WDPCP: variants seen among roughly 807,000 people sequenced by gnomAD.
The protein encoded by WDPCP is WD repeat-containing and planar cell polarity effector protein fritz homolog.
In WDPCP, 71 loss-of-function variants were observed where a neutral mutation model predicts 93.1. The ratio of observed to expected loss-of-function variants is 0.76; its 90% confidence interval spans 0.63 to 0.93. WDPCP has a LOEUF of 0.93. WDPCP is among the 40% of genes least tolerant of loss of function. The probability of loss-of-function intolerance (pLI) is 0.00; values close to 1 mark genes in which losing one functional copy is unlikely to be tolerated. For missense variants in WDPCP, 844 were observed against 887.4 expected (o/e 0.95, Z 0.62); for synonymous variants, 315 against 315.0 (o/e 1.00, Z 0.00).
chr2:63,588,851 G>C (rs999400573), upstream of WDPCP: 3 of 673,898 alleles, frequency 4.5e-6, no homozygotes, highest in African/African-American at 5.4e-5. Context: ...TTCAACACTT[G>C]AAGGAAATGC....
chr2:63,295,540 T>TA (rs1281807589), intron 13 of WDPCP, among the ~76,000 whole-genome samples: 3 of 52,998 alleles, frequency 5.7e-5, no homozygotes, highest in Non-Finnish European at 8.8e-5. Flanking sequence ...TTACAAGAGA[T>TA]AAAAAAAAGA....
At chr2:63,337,775 A>G (rs1688493169) in intron 12 of WDPCP, among the ~76,000 whole-genome samples, 1 of 152,078 alleles carries the variant, frequency 6.6e-6, no homozygotes, top group African/African-American at 2.4e-5. Context: ...TTTTCCACAT[A>G]TATGTTGGCC....
chr2:63,345,966 TAA>T (rs575356009), intron 12 of WDPCP, among the ~76,000 whole-genome samples: 2 of 152,024 alleles, frequency 1.3e-5, no homozygotes, highest in Non-Finnish European at 2.9e-5. Context: ...ACTATACAAC[TAA>T]AGAGTTGCAA....
At chr2:63,651,348 C>A (rs1710107140) in intron 2 of WDPCP, among the ~76,000 whole-genome samples, 1 of 151,984 alleles carries the variant, frequency 6.6e-6, no homozygotes, top group Non-Finnish European at 1.5e-5. Context: ...CAGTTAAGTG[C>A]TAAGTCAGAG....
intron 12 of WDPCP, among the ~76,000 whole-genome samples, chr2:63,336,618 G>A (rs992682950): frequency 1.6e-4 from 24 of 152,046 alleles, no homozygotes; most frequent in East Asian, 3.9e-4. Flanking sequence ...GGCTTTCCTC[G>A]TTGCTTCCAC....
chr2:63,714,359 C>T (rs893759910), intron 2 of WDPCP, among the ~76,000 whole-genome samples: 2 of 152,070 alleles, frequency 1.3e-5, no homozygotes, highest in African/African-American at 2.4e-5. Flanking sequence ...TGAGCCACCG[C>T]GCCTGGCCTT....
rs369634217 is a variant in WDPCP at position 63,283,793 on chromosome 2, T to C, written c.1813-24384A>G. On this transcript the variant is annotated intron_variant, in intron 13 of 17. Transcript: ENST00000272321. ...TAATTCCGTATCACTGGCACTAAGGTTCTAAACAGTGCTAGGGCAGTGCTG... is the reference window on the plus strand; with the variant it reads ...TAATTCCGTATCACTGGCACTAAGGCTCTAAACAGTGCTAGGGCAGTGCTG... 8.5e-5 allele frequency among the ~76,000 whole-genome samples: 13 copies of C among 152,224 alleles called. No individual in the cohort carries two copies. In the East Asian group the frequency reaches 1.2e-3, roughly 14 times the overall value.
chr2:63,215,229 C>A (rs1677210701), intron 14 of WDPCP, among the ~76,000 whole-genome samples: 1 of 152,132 alleles, frequency 6.6e-6, no homozygotes, highest in Admixed American at 6.6e-5. Context: ...AACTACACTA[C>A]AAGGCTACAG....
chr2:63,324,188 G>C (rs1181490639), intron 12 of WDPCP, among the ~76,000 whole-genome samples: 1 of 152,142 alleles, frequency 6.6e-6, no homozygotes, highest in Non-Finnish European at 1.5e-5. Context: ...AAGGCAAATG[G>C]AGTGAAATAC....
intron 12 of WDPCP, among the ~76,000 whole-genome samples, chr2:63,352,291 A>G (rs1689689183): frequency 6.6e-6 from 1 of 151,958 alleles, no homozygotes; most frequent in Non-Finnish European, 1.5e-5. Flanking sequence ...GCACTTGTCT[A>G]TTTTTGTTTT....
intron 2 of WDPCP, among the ~76,000 whole-genome samples, chr2:63,489,097 G>T (rs1265406011): frequency 6.6e-6 from 1 of 152,052 alleles, no homozygotes; most frequent in African/African-American, 2.4e-5. Context: ...TTACATATGG[G>T]GGCAACCCAA....
the WDPCP span, among the ~76,000 whole-genome samples, chr2:63,840,613 G>A: frequency 6.6e-6 from 1 of 152,230 alleles, no homozygotes; most frequent in Admixed American, 6.5e-5. Flanking sequence ...CCTGAGAAGC[G>A]TCTGGGCTCC....
chr2:63,447,567 G>C (rs1208414050), intron 6 of WDPCP, among the ~76,000 whole-genome samples: 1 of 151,990 alleles, frequency 6.6e-6, no homozygotes, highest in African/African-American at 2.4e-5. Context: ...TGAGTCCCTC[G>C]TCTCTGCTAT....
rs538699585 is a variant in WDPCP at position 63,349,349 on chromosome 2, T to G, written c.1748+29037A>C. Among the ~76,000 whole-genome samples, 42 of 152,248 alleles carry G rather than the reference T, an allele frequency of 2.8e-4. No individual in the cohort carries two copies. The South Asian group carries it at 8.3e-3, about 30-fold the overall frequency. Reference sequence around the variant, plus strand: ...AGAAGTACAATTTTATTATTCTAAGTCATAAAGTACTAAAAATTTATTTTC... The same window carrying G: ...AGAAGTACAATTTTATTATTCTAAGGCATAAAGTACTAAAAATTTATTTTC... On this transcript the variant is annotated intron_variant, in intron 12 of 17. Coordinates refer to ENST00000272321, the MANE Select transcript of WDPCP (RefSeq NM_015910.7).
intron 13 of WDPCP, among the ~76,000 whole-genome samples, chr2:63,281,287 C>T (rs755829290): frequency 3.9e-5 from 6 of 152,150 alleles, no homozygotes; most frequent in Non-Finnish European, 8.8e-5. Flanking sequence ...TGTGATACCA[C>T]TTTACTTCTG....
intron 2 of WDPCP, among the ~76,000 whole-genome samples, chr2:63,685,844 A>C (rs1668798829): frequency 2.6e-5 from 4 of 152,218 alleles, no homozygotes; most frequent in Admixed American, 1.3e-4. Flanking sequence ...CAAGAGAATG[A>C]AGGACAAAAA....
chr2:63,432,431 T>C (rs1283827142), intron 9 of WDPCP, among the ~76,000 whole-genome samples: 2 of 152,136 alleles, frequency 1.3e-5, no homozygotes, highest in East Asian at 3.9e-4. Context: ...ACTAAGATCC[T>C]TGAAGGCAGG....
intron 15 of WDPCP, among the ~76,000 whole-genome samples, chr2:63,173,792 G>A (rs1673581401): frequency 6.6e-6 from 1 of 152,120 alleles, no homozygotes. Flanking sequence ...TTTATTTGCT[G>A]TTAATGTGTA....
upstream of WDPCP, chr2:63,588,763 C>T: frequency 1.9e-6 from 1 of 539,190 alleles, no homozygotes; most frequent in Non-Finnish European, 3.3e-6. Flanking sequence ...AGGGGCTCAT[C>T]CTCAGGGACT....
Sources: gnomAD v4.1 joint callset for allele counts (sites outside exome capture counted in the v4.1 genomes callset) on GRCh38, gnomAD v4.1.1 for gene constraint, MANE v1.5 for transcripts, NCBI Gene and HGNC (gene_info 2026-07-23, HGNC 2026-07-21) for gene names.